The following P4HA3 variants were observed in gnomAD, a reference collection of about 807,000 sequenced individuals.
The protein encoded by P4HA3 is prolyl 4-hydroxylase subunit alpha-3.
A neutral mutation model predicts 66.7 loss-of-function variants in P4HA3; 60 were observed. The observed-to-expected ratio is 0.90, with a 90% CI of 0.73 to 1.12. The LOEUF is 1.12. Ranked by LOEUF, P4HA3 falls within the 50% of genes most tolerant of loss-of-function variation. The probability of loss-of-function intolerance (pLI) is 0.00; values close to 1 mark genes in which losing one functional copy is unlikely to be tolerated. For synonymous variants in P4HA3, 263 were observed against 274.6 expected, an observed-to-expected ratio of 0.96 and a Z score of 0.42; for missense variants, 683 against 685.8, an observed-to-expected ratio of 1.00 and a Z score of 0.05.
chr11:74,296,178 C>T (rs1347547311), intron 4 of P4HA3, among the ~76,000 whole-genome samples: 2 of 152,174 alleles, frequency 1.3e-5, no homozygotes, highest in Non-Finnish European at 2.9e-5. Context: ...TCACTCAATC[C>T]TCACAGCAAC....
chr11:74,257,874 G>C (rs1323313204), intron 15 of P4HA3, among the ~76,000 whole-genome samples: 7 of 152,090 alleles, frequency 4.6e-5, no homozygotes, highest in Non-Finnish European at 8.8e-5. Context: ...TATTTTGGAG[G>C]TGGAATGAAC....
intron 1 of P4HA3, among the ~76,000 whole-genome samples, chr11:74,306,051 G>T (rs903589422): frequency 6.6e-6 from 1 of 152,094 alleles, no homozygotes; most frequent in Non-Finnish European, 1.5e-5. Flanking sequence ...ATATATAAAT[G>T]TGTGAGAGGG....
At chr11:74,253,604 C>T (rs961102431) in intron 15 of P4HA3, 2 of 1,404,448 alleles carry the variant, frequency 1.4e-6, no homozygotes, top group African/African-American at 2.8e-5. Context: ...CTCCATCCCG[C>T]CCAGCCATGT....
At chr11:74,255,632 G>A (rs759272301) in intron 15 of P4HA3, among the ~76,000 whole-genome samples, 1 of 152,180 alleles carries the variant, frequency 6.6e-6, no homozygotes, top group African/African-American at 2.4e-5. Flanking sequence ...CTGGCACATG[G>A]TAAGACATTT....
chr11:74,296,048 A>AG (rs1057052503), intron 4 of P4HA3, among the ~76,000 whole-genome samples: 1 of 152,258 alleles, frequency 6.6e-6, no homozygotes, highest in African/African-American at 2.4e-5. Context: ...AGGTACACTA[A>AG]GGAACATTAA....
At chr11:74,263,378 G>A (rs1280174943), downstream of P4HA3, among the ~76,000 whole-genome samples, 1 of 152,202 alleles carries the variant, frequency 6.6e-6, no homozygotes, top group Non-Finnish European at 1.5e-5. Flanking sequence ...CTGGGAAAAT[G>A]TTGGAGACCC....
intron 14 of P4HA3, among the ~76,000 whole-genome samples, chr11:74,261,233 ATC>A (rs1295605984): frequency 1.3e-5 from 2 of 152,132 alleles, no homozygotes; most frequent in African/African-American, 4.8e-5. Context: ...TGGTTTCTCT[ATC>A]TCTCTCTGCC....
chr11:74,256,777 A>G (rs1455024950), intron 15 of P4HA3, among the ~76,000 whole-genome samples: 1 of 152,222 alleles, frequency 6.6e-6, no homozygotes, highest in Non-Finnish European at 1.5e-5. Context: ...TCCTTCCCAA[A>G]AAAGGAAGGT....
chr11:74,279,565 C>T lies in P4HA3; in HGVS notation c.1111-113G>A, dbSNP rs1005346490. 3 of 979,614 alleles carry T rather than the reference C, an allele frequency of 3.1e-6. No homozygotes were observed. In the African/African-American group the frequency reaches 4.8e-5, roughly 16 times the overall value. 60.7% of individuals were successfully genotyped at this position (979,614 alleles called of 1,614,324 possible). A position where few individuals can be genotyped will look rare whatever the true frequency, so the allele number is the denominator to read the frequency against. On this transcript the variant is annotated intron_variant, in intron 7 of 12. Coordinates refer to ENST00000331597, the MANE Select transcript of P4HA3 (RefSeq NM_182904.5). ...GCATCAACATAACAGATGCCAGTTCCTCCTTAATTAGAGGACATTTTGCAT... is the reference window on the plus strand; with the variant it reads ...GCATCAACATAACAGATGCCAGTTCTTCCTTAATTAGAGGACATTTTGCAT...
chr11:74,259,236 G>A (rs984797464), intron 15 of P4HA3, among the ~76,000 whole-genome samples: 5 of 152,116 alleles, frequency 3.3e-5, no homozygotes, highest in Admixed American at 2.6e-4. Context: ...AAAATTAGCC[G>A]GGTGTGGTGG....
At chr11:74,285,680 A>C in intron 7 of P4HA3, 129 bp downstream of exon 7, 2 of 959,876 alleles carry the variant, frequency 2.1e-6, no homozygotes, top group Non-Finnish European at 3.1e-6. Context: ...GTTTTATGGA[A>C]TGGTTGGCAT....
intron 15 of P4HA3, chr11:74,251,970 G>A: frequency 1.5e-6 from 1 of 682,280 alleles, no homozygotes; most frequent in South Asian, 1.4e-5. Flanking sequence ...CCACTGTGAT[G>A]TGCATTTCTT....
chr11:74,273,664 G>T, intron 9 of P4HA3, 57 bp from the exon 10 acceptor site: 1 of 1,372,982 alleles, frequency 7.3e-7, no homozygotes. Context: ...AGAGGGACAG[G>T]CAGGATTCCA....
chr11:74,267,099 T>C lies in P4HA3; in HGVS notation c.*149A>G, dbSNP rs1860012824. The C allele has an allele frequency of 6.5e-7, 1 of 1,541,012 alleles. No individual in the cohort carries two copies. Among genetic ancestry groups the C allele is most frequent in the South Asian group, 1.2e-5 (1 of 84,308 alleles). Reference sequence around the variant, plus strand: ...CTCAGTGTCCCCTGGTAACAACCTCTCCCTTGCCTCTGATTTGCGAGGCAC... The same window carrying C: ...CTCAGTGTCCCCTGGTAACAACCTCCCCCTTGCCTCTGATTTGCGAGGCAC... On this transcript the variant is annotated 3_prime_UTR_variant, in exon 13 of 13. Coordinates refer to ENST00000331597, the MANE Select transcript of P4HA3 (RefSeq NM_182904.5).
intron 3 of P4HA3, among the ~76,000 whole-genome samples, 172 bp from the exon 4 acceptor site, chr11:74,298,533 G>A (rs1861299869): frequency 6.6e-6 from 1 of 152,216 alleles, no homozygotes; most frequent in Admixed American, 6.5e-5. Flanking sequence ...TGTACTACGT[G>A]GAGAGGAGAC....
Position 74,283,159 on chromosome 11 carries a change from C to T in P4HA3, c.1110+2650G>A, listed in dbSNP as rs539336010. ...GGAGAGCCACAGACCAGACAGGCAT[C>T]AGCAGCCCCAGAGAGACACTTCTAG... On this transcript the variant is annotated intron_variant, in intron 7 of 12. Coordinates refer to ENST00000331597, the MANE Select transcript of P4HA3 (RefSeq NM_182904.5). Among the ~76,000 whole-genome samples, 11 of 152,312 alleles carry T rather than the reference C, an allele frequency of 7.2e-5. No individual in the cohort carries two copies. The East Asian group carries it at 1.9e-3, about 27-fold the overall frequency.
chr11:74,256,325 T>A (rs1353886640), intron 15 of P4HA3, among the ~76,000 whole-genome samples: 1 of 152,214 alleles, frequency 6.6e-6, no homozygotes, highest in African/African-American at 2.4e-5. Context: ...AATGAAATGC[T>A]CGTGAGCTTT....
At position 74,279,443 on chromosome 11, in the gene P4HA3, A is replaced by G; in HGVS notation, c.1120T>C (p.Ser374Pro). The G allele has an allele frequency of 6.2e-7, 1 of 1,613,866 alleles. No homozygotes were observed. The highest frequency in any genetic ancestry group is 8.5e-7 in the Non-Finnish European group (1 of 1,179,850). Residue 374 changes from serine to proline, a missense_variant, in exon 8 of 13, where the codon TCA becomes CCA. Coordinates refer to ENST00000331597, the MANE Select transcript of P4HA3 (RefSeq NM_182904.5). ...RELAEPWLQRSVVASGEKQLQ... is the reference protein window; with the variant it reads ...RELAEPWLQRPVVASGEKQLQ... ...TGCTTCTCCCCTGATGCCACCACTG[A>G]CCTCTGTAGCTGGTGGGAAGAATGT...
At position 74,285,906 on chromosome 11, in the gene P4HA3, C is replaced by A; in HGVS notation, c.1013G>T (p.Arg338Leu). ...SNAYLLLQPI[R>L]KEVIHLEPYI... The stretch of plus-strand genomic sequence containing the variant: ...GGGCTCCAGGTGGATGACCTCCTTC[C>A]GGATGGGCTGGAGCAGCAGGTAGGC... The change falls in exon 7 of 13, where the codon CGG (arginine) becomes CTG (leucine). Residue 338 changes from arginine to leucine, a missense_variant. Arg to Leu is a moderately radical substitution (Grantham distance 102, BLOSUM62 -2). Coordinates refer to ENST00000331597, the MANE Select transcript of P4HA3 (RefSeq NM_182904.5). 1 of 1,612,768 alleles carries A rather than the reference C, an allele frequency of 6.2e-7. No individual in the cohort carries two copies. The highest frequency in any genetic ancestry group is 1.1e-5 in the South Asian group (1 of 91,058).
Sources: gnomAD v4.1 joint callset for allele counts (sites outside exome capture counted in the v4.1 genomes callset) on GRCh38, gnomAD v4.1.1 for gene constraint, MANE v1.5 for transcripts, NCBI Gene and HGNC (gene_info 2026-07-23, HGNC 2026-07-21) for gene names.